Variants in DPYSL2 observed in about 807,000 individuals in gnomAD.
DPYSL2 encodes dihydropyrimidinase-related protein 2.
A neutral mutation model predicts 69.9 loss-of-function variants in DPYSL2; 13 were observed. That is an observed-to-expected ratio of 0.19 (90% CI 0.12 to 0.30). The LOEUF (loss-of-function observed/expected upper bound fraction) is 0.30. Ranked by LOEUF, DPYSL2 falls within the 10% of genes least tolerant of loss-of-function variation. The pLI, the probability that DPYSL2 is intolerant of heterozygous loss-of-function variation, is 1.00. For missense variants in DPYSL2, 587 were observed against 918.9 expected (o/e 0.64, Z 4.67); for synonymous variants, 326 against 359.1 (o/e 0.91, Z 1.04).
At chr8:26,575,997 T>C (rs779165044) in intron 1 of DPYSL2, among the ~76,000 whole-genome samples, 5 of 152,144 alleles carry the variant, frequency 3.3e-5, no homozygotes, top group Admixed American at 6.5e-5. Flanking sequence ...ACTTTAACCA[T>C]TACCGGTTGA....
chr8:26,568,229 C>T (rs56823694), intron 1 of DPYSL2, among the ~76,000 whole-genome samples: 4,291 of 152,256 alleles, frequency 0.028, 209 homozygotes, highest in African/African-American at 0.096. Context: ...GTTGATGACA[C>T]TGTGGGGGTG....
At chr8:26,611,623 C>T (rs982208093) in intron 3 of DPYSL2, among the ~76,000 whole-genome samples, 3 of 152,154 alleles carry the variant, frequency 2.0e-5, no homozygotes, top group East Asian at 1.9e-4. Context: ...ACAGAGATGT[C>T]GCCCCACACT....
chr8:26,533,313 G>A lies in DPYSL2; in HGVS notation c.354+18634G>A, dbSNP rs974871608. On this transcript the variant is annotated intron_variant, in intron 1 of 13. Coordinates refer to ENST00000521913, the MANE Select transcript of DPYSL2 (RefSeq NM_001197293.3). This position sits in a 1 kb window ranked among gnomAD's most constrained non-coding sequence, Gnocchi z 4.8. ...TATTATTTTTTTCTCCTGCTCTGTGGATTGTTTTTCACTTTCCTGATAGTG... is the reference window on the plus strand; with the variant it reads ...TATTATTTTTTTCTCCTGCTCTGTGAATTGTTTTTCACTTTCCTGATAGTG... Among the ~76,000 whole-genome samples the A allele has an allele frequency of 1.3e-5, 2 of 152,114 alleles. No individual in the cohort carries two copies. Among genetic ancestry groups the A allele is most frequent in the Non-Finnish European group, 2.9e-5 (2 of 68,012 alleles).
At chr8:26,613,275 C>T (rs932128317) in intron 3 of DPYSL2, among the ~76,000 whole-genome samples, 1 of 152,228 alleles carries the variant, frequency 6.6e-6, no homozygotes, top group Non-Finnish European at 1.5e-5. Flanking sequence ...CTGCTCCCTG[C>T]CTCTCCTTCC....
chr8:26,583,664 A>T lies in DPYSL2; in HGVS notation c.444-135A>T. 3.8e-6 allele frequency: 3 copies of T among 797,088 alleles called. No homozygotes were observed. The South Asian group carries it at 6.3e-5, about 17-fold the overall frequency. The allele number at this position is 797,088 out of a possible 1,614,324, so 49.4% of individuals were successfully genotyped here. A position where few individuals can be genotyped will look rare whatever the true frequency, so the allele number is the denominator to read the frequency against. ...GGGTAGGAGTATATAGTGTTTTATT[A>T]TGAATCGTAACAATGATCTGAAAAG... On this transcript the variant is annotated intron_variant, in intron 2 of 13. Transcript: ENST00000521913.
rs1445012406 is a variant in DPYSL2 at position 26,614,508 on chromosome 8, A to G, written c.629-9635A>G. Among the ~76,000 whole-genome samples the G allele has an allele frequency of 6.6e-6, 1 of 152,162 alleles. No homozygotes were observed. The highest frequency in any genetic ancestry group is 1.5e-5 in the Non-Finnish European group (1 of 68,030). On this transcript the variant is annotated intron_variant, in intron 3 of 13. Transcript: ENST00000521913. This position sits in a 1 kb window ranked among gnomAD's most constrained non-coding sequence, Gnocchi z 4.9. ...TCCCTAACTGGATTGTTGGCATTTT[A>G]AGGGCACAGTTTGTATCTTCTACCT...
Position 26,565,941 on chromosome 8 carries a change from G to A in DPYSL2, c.355-16028G>A, listed in dbSNP as rs538175623. 2.1e-4 allele frequency among the ~76,000 whole-genome samples: 32 copies of A among 152,302 alleles called. No individual in the cohort carries two copies. Among genetic ancestry groups the A allele is most frequent in the African/African-American group, 7.7e-4 (32 of 41,566 alleles). ...GTCCTAGGCCTTGAAGAGATGCACTGCGTTGGCTAGAACTCTGTCACATCT... is the reference window on the plus strand; with the variant it reads ...GTCCTAGGCCTTGAAGAGATGCACTACGTTGGCTAGAACTCTGTCACATCT... On this transcript the variant is annotated intron_variant, in intron 1 of 13. Coordinates refer to ENST00000521913, the MANE Select transcript of DPYSL2 (RefSeq NM_001197293.3). The surrounding 1 kb of genome is among the most constrained non-coding windows in gnomAD (Gnocchi z 4.1).
intron 1 of DPYSL2, among the ~76,000 whole-genome samples, chr8:26,542,842 G>A (rs1800707406): frequency 6.6e-6 from 1 of 152,132 alleles, no homozygotes; most frequent in Non-Finnish European, 1.5e-5. Context: ...GTCCTTCTAG[G>A]TCCTGTGTGT....
intron 3 of DPYSL2, among the ~76,000 whole-genome samples, chr8:26,622,595 C>T (rs569044589): frequency 2.8e-4 from 43 of 151,998 alleles, no homozygotes; most frequent in African/African-American, 9.7e-4. Flanking sequence ...TTCTGCCTCC[C>T]GGGCTCAAGC....
chr8:26,634,757 C>T, intron 7 of DPYSL2, 23 bp from the exon 8 acceptor site: 1 of 1,613,964 alleles, frequency 6.2e-7, no homozygotes, highest in Non-Finnish European at 8.5e-7. Flanking sequence ...GCCACATTCT[C>T]ATGCTCTGCT....
Position 26,652,347 on chromosome 8 carries a change from A to T in DPYSL2, c.1687A>T (p.Thr563Ser), listed in dbSNP as rs1161095519. The change falls in exon 12 of 14, where the codon ACC becomes TCC. Residue 563 changes from threonine to serine, a missense_variant. Thr to Ser is a moderately conservative substitution (Grantham distance 58). Coordinates refer to ENST00000521913, the MANE Select transcript of DPYSL2 (RefSeq NM_001197293.3). This position sits in a 1 kb window ranked among gnomAD's most constrained non-coding sequence, Gnocchi z 6.3. The part of the protein sequence containing the change: ...SQGKIVLEDG[T>S]LHVTEGSGRY... ...GGGGAAGATTGTCCTGGAGGACGGCACCCTGCATGTCACCGAAGGCTCTGG... is the reference window on the plus strand; with the variant it reads ...GGGGAAGATTGTCCTGGAGGACGGCTCCCTGCATGTCACCGAAGGCTCTGG... The T allele has an allele frequency of 1.9e-6, 3 of 1,614,218 alleles. No individual in the cohort carries two copies. The South Asian group carries it at 3.3e-5, about 18-fold the overall frequency.
chr8:26,577,888 G>A, intron 1 of DPYSL2: 2 of 1,134,016 alleles, frequency 1.8e-6, no homozygotes, highest in Non-Finnish European at 2.2e-6. Context: ...TGCCTGAGAG[G>A]AAAGGGAGTG....
chr8:26,555,118 G>C (rs1210813940), intron 1 of DPYSL2, among the ~76,000 whole-genome samples: 1 of 152,056 alleles, frequency 6.6e-6, no homozygotes, highest in Admixed American at 6.6e-5. Flanking sequence ...TTCTCAACTT[G>C]ATAAAGAAGA....
intron 3 of DPYSL2, 83 bp downstream of exon 3, chr8:26,584,066 T>TA: frequency 7.1e-7 from 1 of 1,417,964 alleles, no homozygotes; most frequent in East Asian, 2.3e-5. Flanking sequence ...TCTCTCCTTC[T>TA]AAAACTTGCT....
rs369954999 is a variant in DPYSL2 at position 26,609,716 on chromosome 8, G to T, written c.629-14427G>T. On this transcript the variant is annotated intron_variant, in intron 3 of 13. Coordinates refer to ENST00000521913, the MANE Select transcript of DPYSL2 (RefSeq NM_001197293.3). The surrounding 1 kb of genome is among the most constrained non-coding windows in gnomAD (Gnocchi z 6.5). Reference sequence around the variant, plus strand: ...GCTCCCCAGAGTGCAGCCTGGCCAGGCAGGGACTGTTGACCCTGGCCCCTG... The same window carrying T: ...GCTCCCCAGAGTGCAGCCTGGCCAGTCAGGGACTGTTGACCCTGGCCCCTG... Among the ~76,000 whole-genome samples the T allele has an allele frequency of 6.6e-6, 1 of 152,196 alleles. No individual in the cohort carries two copies. The highest frequency in any genetic ancestry group is 1.9e-4 in the East Asian group (1 of 5,202).
chr8:26,546,921 C>CAAAAAAAAAAAAAAA (rs61360009), intron 1 of DPYSL2, among the ~76,000 whole-genome samples: 2 of 46,206 alleles, frequency 4.3e-5, no homozygotes, highest in African/African-American at 2.3e-4. Flanking sequence ...GACTCAGTCT[C>CAAAAAAAAAAAAAAA]AAAAAAAAAA....
intron 3 of DPYSL2, among the ~76,000 whole-genome samples, chr8:26,595,805 C>A (rs1801847919): frequency 6.6e-6 from 1 of 152,116 alleles, no homozygotes; most frequent in Admixed American, 6.6e-5. Flanking sequence ...GCTGGTGGCT[C>A]CTTCCTCTTT....
intron 3 of DPYSL2, among the ~76,000 whole-genome samples, chr8:26,602,092 CTAGTTA>C (rs1802004999): frequency 6.8e-6 from 1 of 148,076 alleles, no homozygotes; most frequent in Non-Finnish European, 1.5e-5. Context: ...CTTGAAGTTA[CTAGTTA>C]TAGAGAACAG....
intron 1 of DPYSL2, among the ~76,000 whole-genome samples, chr8:26,515,136 C>T (rs1171744897): frequency 6.6e-6 from 1 of 152,084 alleles, no homozygotes; most frequent in African/African-American, 2.4e-5. Flanking sequence ...GGCGGGGGTT[C>T]GGACGGCCGC....
Sources: gnomAD v4.1 joint callset for allele counts (sites outside exome capture counted in the v4.1 genomes callset) on GRCh38, gnomAD v4.1.1 for gene constraint, Gnocchi (gnomAD v3.1) non-coding constraint, MANE v1.5 for transcripts, NCBI Gene and HGNC (gene_info 2026-07-23, HGNC 2026-07-21) for gene names.